Variants in PRKCE observed in about 807,000 individuals in gnomAD.
The protein encoded by PRKCE is protein kinase C epsilon type.
PRKCE carries 16 observed loss-of-function variants against 85.4 expected under a neutral mutation model. The observed-to-expected ratio is 0.19, with a 90% CI of 0.13 to 0.28. PRKCE has a LOEUF of 0.28. Among genes scored for constraint, PRKCE ranks in the 10% least tolerant of loss-of-function variants. PRKCE has a pLI of 1.00. For missense variants in PRKCE, 573 were observed against 975.2 expected, an observed-to-expected ratio of 0.59 and a Z score of 5.49; for synonymous variants, 388 against 371.5, an observed-to-expected ratio of 1.04 and a Z score of -0.51.
At chr2:46,094,326 T>C (rs1192996431) in intron 11 of PRKCE, among the ~76,000 whole-genome samples, 1 of 152,222 alleles carries the variant, frequency 6.6e-6, no homozygotes, top group Non-Finnish European at 1.5e-5. Flanking sequence ...TTAGTAGATT[T>C]CTGAGAACAA....
At chr2:45,796,448 C>T (rs1464528220) in intron 1 of PRKCE, among the ~76,000 whole-genome samples, 2 of 152,116 alleles carry the variant, frequency 1.3e-5, no homozygotes, top group Non-Finnish European at 2.9e-5. Context: ...TGTATGGGTG[C>T]CACATAATAC....
Position 45,795,601 on chromosome 2 carries a change from C to G in PRKCE, c.349-47399C>G, listed in dbSNP as rs764048416. Among the ~76,000 whole-genome samples the G allele has an allele frequency of 7.2e-5, 11 of 152,282 alleles. No homozygotes were observed. The East Asian group carries it at 2.1e-3, about 29-fold the overall frequency. On this transcript the variant is annotated intron_variant, in intron 1 of 14. Transcript: ENST00000306156. ...CTGGGATTACAGATGTGAGCCACTGCGCCCGGCCTGAACATTTTTAATTGC... is the reference window on the plus strand; with the variant it reads ...CTGGGATTACAGATGTGAGCCACTGGGCCCGGCCTGAACATTTTTAATTGC...
chr2:46,076,643 C>CT (rs1179346615), intron 10 of PRKCE, among the ~76,000 whole-genome samples: 1 of 152,186 alleles, frequency 6.6e-6, no homozygotes, highest in Non-Finnish European at 1.5e-5. Flanking sequence ...AACCAGCAGA[C>CT]TATAGAGTGG....
chr2:45,807,971 C>T (rs1688368588), intron 1 of PRKCE, among the ~76,000 whole-genome samples: 1 of 152,072 alleles, frequency 6.6e-6, no homozygotes, highest in African/African-American at 2.4e-5. Flanking sequence ...CCCTCCCTTG[C>T]TGTGCCACCC....
intron 14 of PRKCE, among the ~76,000 whole-genome samples, chr2:46,179,128 C>T (rs1313655661): frequency 6.6e-6 from 1 of 152,124 alleles, no homozygotes; most frequent in East Asian, 1.9e-4. Flanking sequence ...AATAAGGCAG[C>T]CACATGAAAG....
intron 2 of PRKCE, among the ~76,000 whole-genome samples, chr2:45,923,930 C>A (rs776635158): frequency 6.6e-6 from 1 of 152,074 alleles, no homozygotes; most frequent in Non-Finnish European, 1.5e-5. Context: ...TGTTCTTGGG[C>A]GCAGCAGGAA....
intron 2 of PRKCE, among the ~76,000 whole-genome samples, chr2:45,908,449 C>T (rs1397405384): frequency 1.3e-5 from 2 of 152,164 alleles, no homozygotes; most frequent in Non-Finnish European, 2.9e-5. Context: ...CACTCTCTCT[C>T]GCCCATTGGA....
At chr2:46,011,585 A>C (rs1282123230) in intron 10 of PRKCE, among the ~76,000 whole-genome samples, 8 of 152,162 alleles carry the variant, frequency 5.3e-5, no homozygotes, top group African/African-American at 1.7e-4. Context: ...CAATCACTTG[A>C]GCAGCTGTAA....
At chr2:45,968,723 C>A (rs1403751838) in intron 2 of PRKCE, among the ~76,000 whole-genome samples, 2 of 152,162 alleles carry the variant, frequency 1.3e-5, no homozygotes, top group African/African-American at 4.8e-5. Flanking sequence ...CCCCTGACCC[C>A]ACATGAGGAG....
chr2:46,032,959 G>A (rs979930101), intron 10 of PRKCE, among the ~76,000 whole-genome samples: 1 of 152,180 alleles, frequency 6.6e-6, no homozygotes, highest in Admixed American at 6.5e-5. Context: ...ATAAGTTGAA[G>A]TAGCCGTCAG....
rs575474858 is a variant in PRKCE at position 46,156,126 on chromosome 2, A to G, written c.1921-3480A>G. Among the ~76,000 whole-genome samples the G allele has an allele frequency of 4.0e-5, 6 of 149,434 alleles. No individual in the cohort carries two copies. In the South Asian group the frequency reaches 1.3e-3, roughly 31 times the overall value. On this transcript the variant is annotated intron_variant, in intron 13 of 14. Coordinates refer to ENST00000306156, the MANE Select transcript of PRKCE (RefSeq NM_005400.3). ...TCATCCCCTACTTAAAACTCATCAC[A>G]TTGTGATTAGATAAAGACCTTCTCT...
At chr2:45,848,951 A>G (rs999207195) in intron 2 of PRKCE, among the ~76,000 whole-genome samples, 1 of 152,176 alleles carries the variant, frequency 6.6e-6, no homozygotes, top group Non-Finnish European at 1.5e-5. Context: ...AGAAGTGGAG[A>G]GACCATTGTG....
intron 11 of PRKCE, among the ~76,000 whole-genome samples, chr2:46,095,549 CT>C (rs1670602539): frequency 6.6e-6 from 1 of 152,210 alleles, no homozygotes; most frequent in African/African-American, 2.4e-5. Flanking sequence ...CCACATCACC[CT>C]CATCTCCAGA....
Position 45,786,188 on chromosome 2 carries a change from T to G in PRKCE, c.349-56812T>G, listed in dbSNP as rs890827242. On this transcript the variant is annotated intron_variant, in intron 1 of 14. Transcript: ENST00000306156. This position sits in a 1 kb window ranked among gnomAD's most constrained non-coding sequence, Gnocchi z 5.3. Reference sequence around the variant, plus strand: ...TGATTGCAGTCTGCCAGTGACTTATTTATCCCCCGTGCTGCTTCTTGCTCT... The same window carrying G: ...TGATTGCAGTCTGCCAGTGACTTATGTATCCCCCGTGCTGCTTCTTGCTCT... 6.6e-6 allele frequency among the ~76,000 whole-genome samples: 1 copy of G among 152,182 alleles called. No individual in the cohort carries two copies. Among genetic ancestry groups the G allele is most frequent in the African/African-American group, 2.4e-5 (1 of 41,430 alleles).
intron 2 of PRKCE, among the ~76,000 whole-genome samples, chr2:45,967,379 C>T (rs938709744): frequency 4.6e-5 from 7 of 152,168 alleles, no homozygotes; most frequent in Admixed American, 2.6e-4. Flanking sequence ...TGGGGGCCAT[C>T]CTGGAGTGTC....
chr2:45,884,203 G>A (rs1403583904), intron 2 of PRKCE, among the ~76,000 whole-genome samples: 1 of 152,238 alleles, frequency 6.6e-6, no homozygotes, highest in Admixed American at 6.5e-5. Flanking sequence ...GAGGTGGGGT[G>A]AGAGGGTTCT....
chr2:45,923,756 C>T (rs1698421626), intron 2 of PRKCE, among the ~76,000 whole-genome samples: 1 of 152,034 alleles, frequency 6.6e-6, no homozygotes, highest in Non-Finnish European at 1.5e-5. Flanking sequence ...GGGAAGGCTC[C>T]CTGGGGAGGG....
At chr2:46,069,205 C>T (rs529153005) in intron 10 of PRKCE, among the ~76,000 whole-genome samples, 6 of 152,292 alleles carry the variant, frequency 3.9e-5, no homozygotes, top group South Asian at 4.1e-4. Flanking sequence ...CTTTCTTTTA[C>T]GTGGTAGCCT....
At chr2:45,798,889 C>T (rs186167286) in intron 1 of PRKCE, among the ~76,000 whole-genome samples, 5 of 151,630 alleles carry the variant, frequency 3.3e-5, no homozygotes, top group African/African-American at 1.2e-4. Flanking sequence ...GAGCATTGGC[C>T]GGGCACGGTG....
Sources: gnomAD v4.1 joint callset for allele counts (sites outside exome capture counted in the v4.1 genomes callset) on GRCh38, gnomAD v4.1.1 for gene constraint, Gnocchi (gnomAD v3.1) non-coding constraint, MANE v1.5 for transcripts, NCBI Gene and HGNC (gene_info 2026-07-23, HGNC 2026-07-21) for gene names.